The following LAT2 variants were observed in gnomAD, a reference collection of about 807,000 sequenced individuals.
LAT2 encodes the protein linker for activation of T cells family member 2, also known as linker for activation of T-cells family member 2.
In LAT2, 23 loss-of-function variants were observed where a neutral mutation model predicts 43.4. That is an observed-to-expected ratio of 0.53 (90% CI 0.38 to 0.75). LAT2 has a LOEUF of 0.75. Ranked by LOEUF, LAT2 falls within the 30% of genes least tolerant of loss-of-function variation. The pLI is 0.00. For missense variants in LAT2, 284 were observed against 310.2 expected (o/e 0.92, Z 0.64); for synonymous variants, 128 against 123.2 (o/e 1.04, Z -0.26).
Position 74,214,306 on chromosome 7 carries a change from A to G in LAT2, c.-218-516A>G, listed in dbSNP as rs58826460. Among the ~76,000 whole-genome samples the G allele has an allele frequency of 2.4e-3, 184 of 76,324 alleles. 2 individuals carry two copies. The highest frequency in any genetic ancestry group is 3.7e-3 in the Non-Finnish European group (165 of 44,424). 50.1% of individuals were successfully genotyped at this position (76,324 alleles called of 152,430 possible). A position where few individuals can be genotyped will look rare whatever the true frequency, so the allele number is the denominator to read the frequency against. ...AATATATATATGAAAATATATATAT[A>G]AATATATATATGAAAATATATATAT... On this transcript the variant is annotated intron_variant, in intron 1 of 13. Coordinates refer to ENST00000460943, the MANE Select transcript of LAT2 (RefSeq NM_032464.3).
At chr7:74,212,430 C>T (rs1801763579) in intron 1 of LAT2, among the ~76,000 whole-genome samples, 1 of 151,966 alleles carries the variant, frequency 6.6e-6, no homozygotes, top group South Asian at 2.1e-4. Context: ...TACAGGCTTG[C>T]ACCTCCACGC....
At position 74,220,807 on chromosome 7, in the gene LAT2, C is replaced by T. The variant is rs1364824754; in HGVS notation, c.332+73C>T. ...CCACCTCTCCCCCTGCCCCACCTCT[C>T]CCCCTGCCCCACCTGCCTGCCACAG... On this transcript the variant is annotated intron_variant, in intron 9 of 13. Coordinates refer to ENST00000460943, the MANE Select transcript of LAT2 (RefSeq NM_032464.3). The surrounding 1 kb of genome is among the most constrained non-coding windows in gnomAD (Gnocchi z 4.5). 1.5e-6 allele frequency: 2 copies of T among 1,312,444 alleles called. No individual in the cohort carries two copies. Among genetic ancestry groups the T allele is most frequent in the Non-Finnish European group, 2.1e-6 (2 of 971,340 alleles). 81.3% of individuals were successfully genotyped at this position (1,312,444 alleles called of 1,614,324 possible). A position where few individuals can be genotyped will look rare whatever the true frequency, so the allele number is the denominator to read the frequency against.
chr7:74,214,605 TATATAA>T (rs1186219463), intron 1 of LAT2, among the ~76,000 whole-genome samples: 12 of 760 alleles, frequency 0.016, 4 homozygotes, highest in African/African-American at 0.12. Context: ...TATGAAAATA[TATATAA>T]ATATATATAT....
At chr7:74,215,799 G>A in intron 2 of LAT2, 148 bp from the exon 3 acceptor site, 1 of 658,500 alleles carries the variant, frequency 1.5e-6, no homozygotes, top group Non-Finnish European at 2.7e-6. Flanking sequence ...AACAGGACTG[G>A]TTCTGTCCTT....
chr7:74,210,246 G>T (rs1373956349), intron 1 of LAT2, among the ~76,000 whole-genome samples, 158 bp downstream of exon 1: 1 of 152,166 alleles, frequency 6.6e-6, no homozygotes, highest in Non-Finnish European at 1.5e-5. Context: ...CACTTCAGGG[G>T]TCAGTTTGTT....
chr7:74,213,799 C>A (rs1801827949), intron 1 of LAT2, among the ~76,000 whole-genome samples: 1 of 151,848 alleles, frequency 6.6e-6, no homozygotes, highest in Non-Finnish European at 1.5e-5. Flanking sequence ...AGAAGCCCTC[C>A]TCACTGGTGG....
At chr7:74,213,421 ATTTT>A (rs1174359277) in intron 1 of LAT2, among the ~76,000 whole-genome samples, 3 of 103,328 alleles carry the variant, frequency 2.9e-5, no homozygotes, top group African/African-American at 7.6e-5. Context: ...GTGCCCGGCC[ATTTT>A]TTTTTTTTTT....
In LAT2 at chr7:74,220,400, C is replaced by G; in HGVS notation, c.265+146C>G. On this transcript the variant is annotated intron_variant, in intron 7 of 13. Transcript: ENST00000460943. This position sits in a 1 kb window ranked among gnomAD's most constrained non-coding sequence, Gnocchi z 4.5. ...GAGAGACACACAGGCTGGGGCAGGG[C>G]AGGCTCCTGGAATCGGCCTGGCAGG... is the stretch of plus-strand genomic sequence containing the variant. 8.1e-7 allele frequency: 1 copy of G among 1,238,226 alleles called. No homozygotes were observed. The highest frequency in any genetic ancestry group is 1.2e-6 in the Non-Finnish European group (1 of 863,978). 76.7% of individuals were successfully genotyped at this position (1,238,226 alleles called of 1,614,324 possible).
At chr7:74,228,657 C>T (rs1269086716) in intron 13 of LAT2, among the ~76,000 whole-genome samples, 4 of 147,868 alleles carry the variant, frequency 2.7e-5, no homozygotes, top group African/African-American at 7.5e-5. Flanking sequence ...ATTAGCTGGG[C>T]GTGGTGGCGT....
chr7:74,224,305 C>T (rs1802403880), intron 12 of LAT2, 108 bp downstream of exon 12: 1 of 1,203,202 alleles, frequency 8.3e-7, no homozygotes, highest in Non-Finnish European at 1.2e-6. Context: ...TCCAGCTAAC[C>T]CCGCAGTGAT....
intron 4 of LAT2, 125 bp from the exon 5 acceptor site, chr7:74,219,619 C>T: frequency 8.7e-7 from 1 of 1,143,854 alleles, no homozygotes; most frequent in African/African-American, 1.5e-5. Flanking sequence ...CAGTTCCTCC[C>T]CACTGTCGCC....
intron 13 of LAT2, among the ~76,000 whole-genome samples, chr7:74,227,161 C>A (rs1384434038): frequency 6.6e-6 from 1 of 151,752 alleles, no homozygotes; most frequent in African/African-American, 2.4e-5. Flanking sequence ...CCTGCCTCAG[C>A]CTCCCGAGTA....
intron 1 of LAT2, among the ~76,000 whole-genome samples, chr7:74,214,091 AATATATATAAAT>A (rs1801845071): frequency 9.0e-6 from 1 of 111,446 alleles, no homozygotes; most frequent in African/African-American, 4.3e-5. Flanking sequence ...TATATGAAAA[AATATATATAAAT>A]ATATATATGA....
chr7:74,225,658 G>GTCAGATA (rs1438027260), intron 13 of LAT2: 1 of 152,424 alleles, frequency 6.6e-6, no homozygotes, highest in Non-Finnish European at 1.5e-5. Context: ...ATCCCCAGTG[G>GTCAGATA]TCAGACATCA....
chr7:74,213,579 C>T (rs1554713469), intron 1 of LAT2, among the ~76,000 whole-genome samples: 1 of 152,046 alleles, frequency 6.6e-6, no homozygotes, highest in Non-Finnish European at 1.5e-5. Context: ...CGTGTGCCAC[C>T]ACACCCGGCT....
intron 1 of LAT2, among the ~76,000 whole-genome samples, chr7:74,214,188 A>ATG (rs1801868284): frequency 1.1e-5 from 1 of 88,298 alleles, no homozygotes; most frequent in East Asian, 2.8e-4. Context: ...AAATATATAT[A>ATG]AATATATATA....
chr7:74,210,950 C>T (rs1035959559), intron 1 of LAT2, among the ~76,000 whole-genome samples: 8 of 152,142 alleles, frequency 5.3e-5, no homozygotes, highest in Non-Finnish European at 7.3e-5. Context: ...CTGGGAGAAC[C>T]GGCAGGGTGG....
intron 1 of LAT2, among the ~76,000 whole-genome samples, chr7:74,211,920 G>A (rs1801749076): frequency 1.3e-5 from 2 of 152,040 alleles, no homozygotes; most frequent in East Asian, 1.9e-4. Flanking sequence ...CAGTCTGGGG[G>A]CAGACACATG....
chr7:74,220,845 T>C lies in LAT2; in HGVS notation c.332+111T>C, dbSNP rs1554715137. ...CTGCCTGCCACAGCCCTGGGCTTCC[T>C]GGTCCAGGAACCACCTCTTGCACTA... On this transcript the variant is annotated intron_variant, in intron 9 of 13. Coordinates refer to ENST00000460943, the MANE Select transcript of LAT2 (RefSeq NM_032464.3). This position sits in a 1 kb window ranked among gnomAD's most constrained non-coding sequence, Gnocchi z 4.5. 1.1e-6 allele frequency: 1 copy of C among 934,796 alleles called. No homozygotes were observed. Among genetic ancestry groups the C allele is most frequent in the Non-Finnish European group, 1.6e-6 (1 of 643,802 alleles). 57.9% of individuals were successfully genotyped at this position (934,796 alleles called of 1,614,324 possible).
Sources: allele counts gnomAD v4.1 joint callset (sites outside exome capture counted in the v4.1 genomes callset), GRCh38; gene constraint gnomAD v4.1.1; non-coding constraint Gnocchi (gnomAD v3.1); transcripts MANE v1.5; gene names NCBI Gene and HGNC (gene_info 2026-07-23, HGNC 2026-07-21).